The following SLC3A1 variants were observed in gnomAD, a reference collection of about 807,000 sequenced individuals.
The protein encoded by SLC3A1 is solute carrier family 3 member 1.
A neutral mutation model predicts 60.3 loss-of-function variants in SLC3A1; 78 were observed. That is an observed-to-expected ratio of 1.29 (90% CI 1.08 to 1.56). SLC3A1 has a LOEUF of 1.56. SLC3A1 is among the 40% of genes most tolerant of loss of function. The pLI, the probability that SLC3A1 is intolerant of heterozygous loss-of-function variation, is 0.00. For missense variants in SLC3A1, 1,172 were observed against 858.9 expected (o/e 1.36, Z -4.56); for synonymous variants, 392 against 307.9 (o/e 1.27, Z -2.86).
intron 6 of SLC3A1, among the ~76,000 whole-genome samples, chr2:44,303,009 G>T (rs1418691839): frequency 6.6e-6 from 1 of 151,936 alleles, no homozygotes; most frequent in African/African-American, 2.4e-5. Flanking sequence ...GACCAGCCTG[G>T]CCAACATGGT....
intron 1 of SLC3A1, 32 bp downstream of exon 1, chr2:44,275,997 C>T (rs763598369): frequency 6.3e-7 from 1 of 1,594,484 alleles, no homozygotes; most frequent in Non-Finnish European, 8.6e-7. Flanking sequence ...AGGGTGGGTG[C>T]CAGGATGAGA....
At chr2:44,296,107 T>C (rs954462309) in intron 4 of SLC3A1, among the ~76,000 whole-genome samples, 6 of 152,198 alleles carry the variant, frequency 3.9e-5, no homozygotes, top group African/African-American at 1.4e-4. Context: ...AAACCTGTTC[T>C]AGAAATGAGG....
intron 6 of SLC3A1, among the ~76,000 whole-genome samples, chr2:44,303,654 A>C: frequency 6.6e-6 from 1 of 152,052 alleles, no homozygotes; most frequent in East Asian, 1.9e-4. Context: ...ATAGGTATAC[A>C]TGTGCCATGT....
At chr2:44,285,252 G>A (rs1671586502) in intron 3 of SLC3A1, 1 of 162,908 alleles carries the variant, frequency 6.1e-6, no homozygotes, top group East Asian at 1.7e-4. Flanking sequence ...ATGGACATGT[G>A]GACTCAGTGT....
intron 1 of SLC3A1, 101 bp from the exon 2 acceptor site, chr2:44,280,615 C>T: frequency 2.5e-6 from 2 of 808,886 alleles, no homozygotes; most frequent in South Asian, 1.6e-5. Flanking sequence ...AGTATTTTTG[C>T]CTTCATGTAA....
chr2:44,313,211 T>G (rs1341511413), intron 8 of SLC3A1, among the ~76,000 whole-genome samples: 1 of 152,200 alleles, frequency 6.6e-6, no homozygotes, highest in Non-Finnish European at 1.5e-5. Context: ...TTCTTTTCTG[T>G]TATCAGGTGC....
chr2:44,298,535 G>A (rs1014064469), intron 4 of SLC3A1, among the ~76,000 whole-genome samples: 3 of 152,296 alleles, frequency 2.0e-5, no homozygotes, highest in African/African-American at 7.2e-5. Context: ...ATGGCTCCAT[G>A]CCCAACTAAT....
chr2:44,301,114 C>T lies in SLC3A1; in HGVS notation c.1123C>T (p.Pro375Ser). ...GACCATGGACCAATACAGCACGGAG[C>T]CCGGCAGATACAGGTTGACCACGGC... The part of the protein sequence containing the change: ...RQTMDQYSTE[P>S]GRYRFMGTEA... Residue 375 changes from proline (P) to serine (S), a missense_variant, in exon 6 of 10, where the codon CCC becomes TCC. By Grantham distance (74) the Pro-to-Ser change is moderately conservative. Transcript: ENST00000260649. 1 of 1,610,974 alleles carries T rather than the reference C, an allele frequency of 6.2e-7. No individual in the cohort carries two copies. The highest frequency in any genetic ancestry group is 1.1e-5 in the South Asian group (1 of 91,082).
At position 44,301,104 on chromosome 2, in the gene SLC3A1, C is replaced by A. The variant is rs768467260; in HGVS notation, c.1113C>A (p.Tyr371Ter). The A allele has an allele frequency of 3.1e-6, 5 of 1,613,070 alleles. No individual in the cohort carries two copies. The East Asian group carries it at 8.9e-5, about 29-fold the overall frequency. ...GCTTCCGGCAGACCATGGACCAATA[C>A]AGCACGGAGCCCGGCAGATACAGGT... ...VRSFRQTMDQ[Y>*]STEPGRYRFM... The change falls in exon 6 of 10, where the codon TAC becomes TAA. Residue 371 changes from tyrosine (Y) to a stop codon, truncating the protein, a stop_gained. Transcript: ENST00000260649. LOFTEE classifies it high-confidence loss of function.
At chr2:44,287,357 G>T (rs1190335080) in intron 4 of SLC3A1, among the ~76,000 whole-genome samples, 2 of 152,180 alleles carry the variant, frequency 1.3e-5, no homozygotes, top group Admixed American at 1.3e-4. Context: ...TGGGGGAAGA[G>T]AATTTCGGGC....
intron 1 of SLC3A1, among the ~76,000 whole-genome samples, chr2:44,276,533 ATTGT>A (rs1671345038): frequency 6.6e-6 from 1 of 152,166 alleles, no homozygotes; most frequent in African/African-American, 2.4e-5. Flanking sequence ...TGAATTAAGG[ATTGT>A]TTAAAACCAT....
intron 6 of SLC3A1, among the ~76,000 whole-genome samples, chr2:44,301,705 C>A (rs768339236): frequency 2.3e-4 from 34 of 147,860 alleles, no homozygotes; most frequent in Non-Finnish European, 4.7e-4. Context: ...CACCACTGCA[C>A]TCCAGCCTGG....
intron 7 of SLC3A1, among the ~76,000 whole-genome samples, chr2:44,308,450 T>G (rs1572811944): frequency 6.6e-6 from 1 of 152,344 alleles, no homozygotes; most frequent in Admixed American, 6.5e-5. Context: ...CATCTTGTCT[T>G]CTAATCCATG....
At chr2:44,315,945 T>C (rs899661778) in intron 9 of SLC3A1, among the ~76,000 whole-genome samples, 2 of 152,084 alleles carry the variant, frequency 1.3e-5, no homozygotes, top group Admixed American at 6.5e-5. Context: ...TGGAATGCTC[T>C]CAGAAAGGAG....
At chr2:44,319,618 T>C (rs117756680) in intron 9 of SLC3A1, 1 of 153,292 alleles carries the variant, frequency 6.5e-6, no homozygotes, top group East Asian at 1.9e-4. Flanking sequence ...ACACATACTA[T>C]TATGGTAAAA....
chr2:44,277,548 C>G lies in SLC3A1; in HGVS notation c.430+1583C>G, dbSNP rs559413902. Among the ~76,000 whole-genome samples the G allele has an allele frequency of 2.0e-5, 3 of 152,288 alleles. No homozygotes were observed. In the South Asian group the frequency reaches 6.2e-4, roughly 32 times the overall value. ...TAATCAGACCATGGGCTCCCCACCC[C>G]AGATCTTCGGCTTTGGATGTGTTTC... On this transcript the variant is annotated intron_variant, in intron 1 of 9. Transcript: ENST00000260649.
At chr2:44,283,635 G>C (rs1299194155) in intron 3 of SLC3A1, among the ~76,000 whole-genome samples, 1 of 152,142 alleles carries the variant, frequency 6.6e-6, no homozygotes, top group Admixed American at 6.5e-5. Context: ...AATGATCACA[G>C]CTGCCTTGTG....
intron 4 of SLC3A1, among the ~76,000 whole-genome samples, chr2:44,291,395 C>A (rs1475223662): frequency 1.3e-5 from 2 of 152,166 alleles, no homozygotes; most frequent in African/African-American, 2.4e-5. Flanking sequence ...ACTAACCCAG[C>A]TGTGCTCTTC....
At chr2:44,281,926 G>A (rs1671508844) in intron 3 of SLC3A1, among the ~76,000 whole-genome samples, 1 of 151,948 alleles carries the variant, frequency 6.6e-6, no homozygotes, top group Non-Finnish European at 1.5e-5. Flanking sequence ...CCAGGCTGGA[G>A]TGCAATAGCA....
Sources: allele counts gnomAD v4.1 joint callset (sites outside exome capture counted in the v4.1 genomes callset), GRCh38; gene constraint gnomAD v4.1.1; transcripts MANE v1.5; gene names NCBI Gene and HGNC (gene_info 2026-07-23, HGNC 2026-07-21).